Variants in ZNF814 observed in about 807,000 individuals in gnomAD.
ZNF814 encodes zinc finger protein 814.
Under a neutral mutation model 7.5 loss-of-function variants are expected in ZNF814, and 5 were observed. The ratio of observed to expected loss-of-function variants is 0.67; its 90% CI spans 0.35 to 1.40. The LOEUF is 1.40. Ranked by LOEUF, ZNF814 falls within the 40% of genes most tolerant of loss-of-function variation. ZNF814 has a pLI of 0.04. For missense variants in ZNF814, 962 were observed against 1,018.0 expected, an observed-to-expected ratio of 0.94 and a Z score of 0.75; for synonymous variants, 315 against 340.7, an observed-to-expected ratio of 0.92 and a Z score of 0.83.
intron 1 of ZNF814, among the ~76,000 whole-genome samples, chr19:57,878,056 C>T: frequency 6.7e-6 from 1 of 150,116 alleles, no homozygotes; most frequent in South Asian, 2.1e-4. Flanking sequence ...ATCCCAGCTA[C>T]TTGGGAGGCT....
At chr19:57,905,054 A>C in the ZNF814 span, among the ~76,000 whole-genome samples, 1 of 149,030 alleles carries the variant, frequency 6.7e-6, no homozygotes, top group African/African-American at 2.5e-5. Context: ...TCTCAAAAAA[A>C]AAAAAAAAAA....
chr19:57,873,987 T>C lies in ZNF814; in HGVS notation c.1403A>G (p.Glu468Gly), dbSNP rs2071581168. ...HAGERPFKCG[E>G]CVKSFSHKRS... is the part of the protein sequence containing the mutation. ...CTTATGACTGAAAGATTTCACACAT[T>C]CTCCACACTTGAAAGGTCTTTCTCC... The change falls in exon 3 of 3, where the codon GAA becomes GGA. Residue 468 changes from glutamate (E) to glycine (G), a missense_variant. Glu to Gly is a moderately conservative substitution (Grantham distance 98, BLOSUM62 -2). Transcript: ENST00000435989. 6.2e-7 allele frequency: 1 copy of C among 1,613,954 alleles called. No individual in the cohort carries two copies. The highest frequency in any genetic ancestry group is 1.3e-5 in the African/African-American group (1 of 74,892).
chr19:57,876,837 T>C (rs1347102412), intron 2 of ZNF814, 79 bp downstream of exon 2: 2 of 1,587,954 alleles, frequency 1.3e-6, no homozygotes, highest in South Asian at 1.2e-5. Context: ...GCTCCTGACA[T>C]GAGAAAGTCT....
the ZNF814 span, among the ~76,000 whole-genome samples, chr19:57,896,639 G>C: frequency 6.6e-6 from 1 of 152,172 alleles, no homozygotes; most frequent in Admixed American, 6.5e-5. The surrounding 1 kb of genome is among the most constrained non-coding windows in gnomAD (Gnocchi z 4.2). Flanking sequence ...ACCCAGCAAG[G>C]AGGGAAAAAT....
the ZNF814 span, chr19:57,901,847 T>G: frequency 5.0e-6 from 2 of 397,706 alleles, no homozygotes; most frequent in Non-Finnish European, 8.9e-6. Context: ...ATGTCCCATT[T>G]CCTCCTTTAA....
intron 1 of ZNF814, among the ~76,000 whole-genome samples, chr19:57,883,634 C>A (rs1436398189): frequency 6.7e-6 from 1 of 148,630 alleles, no homozygotes; most frequent in Admixed American, 6.7e-5. Flanking sequence ...GCACTGCAGC[C>A]TGGGTGACAG....
chr19:57,877,202 T>C (rs761114295), intron 1 of ZNF814, among the ~76,000 whole-genome samples, 160 bp from the exon 2 acceptor site: 12 of 152,096 alleles, frequency 7.9e-5, no homozygotes, highest in Non-Finnish European at 1.3e-4. Flanking sequence ...CCAACAATAG[T>C]TGAACAAATA....
chr19:57,899,873 A>C, the ZNF814 span, among the ~76,000 whole-genome samples: 1 of 152,134 alleles, frequency 6.6e-6, no homozygotes, highest in African/African-American at 2.4e-5. Context: ...GCAAGGCTGC[A>C]CACAACAAAG....
intron 1 of ZNF814, among the ~76,000 whole-genome samples, chr19:57,883,513 T>C (rs2071665406): frequency 6.6e-6 from 1 of 151,226 alleles, no homozygotes; most frequent in Admixed American, 6.6e-5. Context: ...ATACAAAAAT[T>C]AGCCGGATGT....
chr19:57,873,879 T>G lies in ZNF814; in HGVS notation c.1511A>C (p.Lys504Thr). Residue 504 changes from lysine (K) to threonine (T), a missense_variant, in exon 3 of 3, where the codon AAG becomes ACG. Transcript: ENST00000435989. ...TCGCTGGTGTAGAACGAGGTTGCCC[T>G]TTTGACTGAAAGATTTCCCACATTC... ...CGECGKSFSQ[K>T]GNLVLHQRVH... The G allele has an allele frequency of 1.2e-6, 2 of 1,606,592 alleles. No individual in the cohort carries two copies. Among genetic ancestry groups the G allele is most frequent in the Non-Finnish European group, 1.7e-6 (2 of 1,176,872 alleles).
rs752185893 is a variant in ZNF814 at position 57,874,073 on chromosome 19, T to C, written c.1317A>G (p.Glu439=). 7 of 1,607,318 alleles carry C rather than the reference T, an allele frequency of 4.4e-6. No homozygotes were observed. The highest frequency in any genetic ancestry group is 5.9e-6 in the Non-Finnish European group (7 of 1,176,886). The change falls in exon 3 of 3, where the codon GAA becomes GAG. Residue 439 remains glutamate (E), a synonymous_variant. Transcript: ENST00000435989. The part of the protein sequence containing the change: ...FHTGEKPYGC[E]ECGKSFSSEG... ...CTGAACTAAAAGATTTCCCACATTC[T>C]TCACACCCATAAGGTTTTTCTCCAG... is the stretch of plus-strand genomic sequence containing the variant.
chr19:57,870,312 G>A lies in ZNF814; in HGVS notation c.*2510C>T, dbSNP rs1357717677. ...AAAATATAGATTTACCATTATTTTT[G>A]GAAAACAGGTTTGGCAACTCTATAC... On this transcript the variant is annotated 3_prime_UTR_variant, in exon 3 of 3. Coordinates refer to ENST00000435989, the MANE Select transcript of ZNF814 (RefSeq NM_001144989.2). 1 of 152,094 alleles carries A rather than the reference G, an allele frequency of 6.6e-6. No homozygotes were observed. The highest frequency in any genetic ancestry group is 2.4e-5 in the African/African-American group (1 of 41,404). 9.4% of individuals were successfully genotyped at this position (152,094 alleles called of 1,614,324 possible).
At position 57,872,622 on chromosome 19, in the gene ZNF814, T is replaced by C; in HGVS notation, c.*200A>G. 7.2e-7 allele frequency: 1 copy of C among 1,391,302 alleles called. No homozygotes were observed. Among genetic ancestry groups the C allele is most frequent in the Non-Finnish European group, 1.0e-6 (1 of 1,003,354 alleles). 86.2% of individuals were successfully genotyped at this position (1,391,302 alleles called of 1,614,324 possible). On this transcript the variant is annotated 3_prime_UTR_variant, in exon 3 of 3. Transcript: ENST00000435989. ...TCCTGTGTTTAATGAGACTGAAAGT[T>C]TCAGCAAAGGATTTCCCACATTCAC...
At chr19:57,900,839 A>ATTTTTTTTTTTTTTTTTT in the ZNF814 span, among the ~76,000 whole-genome samples, 686 of 45,764 alleles carry the variant, frequency 0.015, 210 homozygotes, top group Non-Finnish European at 0.02. Context: ...CCATGGCTGC[A>ATTTTTTTTTTTTTTTTTT]TTTTTTTTTT....
In ZNF814 at chr19:57,872,552, T is replaced by C. The variant is rs1000707090; in HGVS notation, c.*270A>G. On this transcript the variant is annotated 3_prime_UTR_variant, in exon 3 of 3. Coordinates refer to ENST00000435989, the MANE Select transcript of ZNF814 (RefSeq NM_001144989.2). The stretch of plus-strand genomic sequence containing the variant: ...AGAAAAGACCTTCAGGTAACTTTTT[T>C]CCCACATTTGCTGCAATCACAAGAC... 1.0e-5 allele frequency: 9 copies of C among 859,274 alleles called. No homozygotes were observed. Among genetic ancestry groups the C allele is most frequent in the East Asian group, 5.0e-5 (2 of 40,218 alleles). The allele number at this position is 859,274 out of a possible 1,614,324, so 53.2% of individuals were successfully genotyped here.
chr19:57,883,555 G>A (rs950475210), intron 1 of ZNF814, among the ~76,000 whole-genome samples: 48 of 151,476 alleles, frequency 3.2e-4, no homozygotes, highest in Non-Finnish European at 5.4e-4. Context: ...CACCTACTCG[G>A]GAGGCTGAGG....
chr19:57,896,221 T>C, the ZNF814 span, among the ~76,000 whole-genome samples: 1 of 149,962 alleles, frequency 6.7e-6, no homozygotes, highest in East Asian at 1.9e-4. The surrounding 1 kb of genome is among the most constrained non-coding windows in gnomAD (Gnocchi z 4.2). Flanking sequence ...AAAAGGCTTA[T>C]AAAGAAGGAG....
intron 1 of ZNF814, among the ~76,000 whole-genome samples, chr19:57,883,813 A>C (rs1426723928): frequency 6.6e-6 from 1 of 151,978 alleles, no homozygotes; most frequent in Non-Finnish European, 1.5e-5. Flanking sequence ...GCTGGAGCGC[A>C]ATGGCACAAT....
Position 57,873,277 on chromosome 19 carries a change from C to A in ZNF814, c.2113G>T (p.Val705Leu), listed in dbSNP as rs1278133463. 1.3e-6 allele frequency: 2 copies of A among 1,596,972 alleles called. No individual in the cohort carries two copies. The highest frequency in any genetic ancestry group is 1.7e-6 in the Non-Finnish European group (2 of 1,171,192). ...KLFKKKSHLL[V>L]HQRIHNGEKP... The stretch of plus-strand genomic sequence containing the variant: ...TCTCCATTGTGAATTCTCTGGTGTA[C>A]AAGGAGGTGAGACTTCTTCTTAAAT... The change falls in exon 3 of 3, where the codon GTA (valine) becomes TTA (leucine). Residue 705 changes from valine to leucine, a missense_variant. By Grantham distance (32) the Val-to-Leu change is conservative (BLOSUM62 1). Coordinates refer to ENST00000435989, the MANE Select transcript of ZNF814 (RefSeq NM_001144989.2).
Sources: gnomAD v4.1 joint callset for allele counts (sites outside exome capture counted in the v4.1 genomes callset) on GRCh38, gnomAD v4.1.1 for gene constraint, Gnocchi (gnomAD v3.1) non-coding constraint, MANE v1.5 for transcripts, NCBI Gene and HGNC (gene_info 2026-07-23, HGNC 2026-07-21) for gene names.